Variants in NRXN3 observed in about 807,000 individuals in gnomAD.
NRXN3 encodes neurexin III.
In NRXN3, 32 loss-of-function variants were observed where a neutral mutation model predicts 137.6. That is an observed-to-expected ratio of 0.23 (90% CI 0.18 to 0.31). The LOEUF is 0.31. NRXN3 is among the 10% of genes least tolerant of loss of function. The pLI is 1.00. For missense variants in NRXN3, 1,574 were observed against 2,062.5 expected (o/e 0.76, Z 4.59); for synonymous variants, 798 against 784.5 (o/e 1.02, Z -0.29).
chr14:79,020,862 TACACACACACAC>T (rs3035451), intron 15 of NRXN3, among the ~76,000 whole-genome samples: 138 of 145,200 alleles, frequency 9.5e-4, no homozygotes, highest in Non-Finnish European at 1.4e-3. Flanking sequence ...GCTTGCATTT[TACACACACACAC>T]ACACACACAC....
intron 15 of NRXN3, among the ~76,000 whole-genome samples, chr14:79,362,950 G>T (rs769619322): frequency 1.1e-4 from 16 of 152,008 alleles, no homozygotes; most frequent in Non-Finnish European, 2.4e-4. Context: ...AGTATTTGCA[G>T]ATGCATGTGA....
intron 6 of NRXN3, among the ~76,000 whole-genome samples, chr14:78,678,674 TGTA>T (rs2098037864): frequency 6.6e-6 from 1 of 152,160 alleles, no homozygotes; most frequent in Non-Finnish European, 1.5e-5. Context: ...AATCAAATAA[TGTA>T]GTATAAACCA....
At chr14:78,676,727 G>C (rs574222998) in intron 6 of NRXN3, among the ~76,000 whole-genome samples, 34 of 152,260 alleles carry the variant, frequency 2.2e-4, no homozygotes, top group African/African-American at 8.2e-4. Flanking sequence ...GACTTTCATA[G>C]CTGGAGAGGG....
At chr14:78,275,286 A>G (rs566954784) in intron 2 of NRXN3, among the ~76,000 whole-genome samples, 1 of 152,346 alleles carries the variant, frequency 6.6e-6, no homozygotes, top group Admixed American at 6.5e-5. Flanking sequence ...TGTATCTCCA[A>G]TGTTTAAAGC....
chr14:78,770,406 C>T (rs951961703), intron 8 of NRXN3, among the ~76,000 whole-genome samples: 1 of 152,094 alleles, frequency 6.6e-6, no homozygotes, highest in Non-Finnish European at 1.5e-5. Flanking sequence ...TGGCCAGGTT[C>T]CTGTGCTCAG....
chr14:79,739,675 A>AAAAAAAAAAAAAAAC (rs2098954176), intron 19 of NRXN3, among the ~76,000 whole-genome samples: 2 of 149,974 alleles, frequency 1.3e-5, no homozygotes, highest in African/African-American at 2.5e-5. Flanking sequence ...AAAAAAAAAA[A>AAAAAAAAAAAAAAAC]AAGAACCCAG....
chr14:78,640,852 T>C (rs1295151727), intron 4 of NRXN3, among the ~76,000 whole-genome samples: 1 of 152,232 alleles, frequency 6.6e-6, no homozygotes, highest in Non-Finnish European at 1.5e-5. Flanking sequence ...TTTTTACACT[T>C]ATGCAGTTGA....
intron 1 of NRXN3, among the ~76,000 whole-genome samples, chr14:78,229,066 A>T (rs111875515): frequency 0.013 from 2,003 of 152,292 alleles, 22 homozygotes; most frequent in Non-Finnish European, 0.02. Flanking sequence ...TTGAGGGGAA[A>T]GTAGGAGATT....
chr14:78,565,597 G>T (rs2096828909), intron 4 of NRXN3, among the ~76,000 whole-genome samples: 1 of 152,184 alleles, frequency 6.6e-6, no homozygotes, highest in Non-Finnish European at 1.5e-5. Flanking sequence ...TTTGTAAAAT[G>T]GATTTAATAA....
intron 15 of NRXN3, among the ~76,000 whole-genome samples, chr14:79,086,120 T>C (rs186846628): frequency 2.6e-5 from 4 of 152,268 alleles, no homozygotes; most frequent in Admixed American, 6.5e-5. Flanking sequence ...TGGCTTGGTA[T>C]TGGGGGCAGA....
At chr14:79,304,736 C>T (rs926965547) in intron 15 of NRXN3, among the ~76,000 whole-genome samples, 1 of 152,064 alleles carries the variant, frequency 6.6e-6, no homozygotes, top group African/African-American at 2.4e-5. Context: ...GCAATTCAAG[C>T]AAGTCTAAGG....
intron 8 of NRXN3, among the ~76,000 whole-genome samples, chr14:78,781,832 TAGC>T (rs2098770889): frequency 6.6e-6 from 1 of 152,242 alleles, no homozygotes; most frequent in Non-Finnish European, 1.5e-5. Context: ...AGGCAATAGT[TAGC>T]AGGAAAAACC....
intron 15 of NRXN3, among the ~76,000 whole-genome samples, chr14:79,353,260 C>T (rs2153396675): frequency 6.6e-6 from 1 of 151,920 alleles, no homozygotes; most frequent in East Asian, 1.9e-4. Flanking sequence ...ATAGGCTGTT[C>T]TTAAAATAAT....
chr14:78,237,420 G>A, intron 1 of NRXN3, among the ~76,000 whole-genome samples: 1 of 152,162 alleles, frequency 6.6e-6, no homozygotes, highest in East Asian at 1.9e-4. Context: ...TCTATTTCTT[G>A]GCTCTGATTT....
intron 4 of NRXN3, among the ~76,000 whole-genome samples, chr14:78,604,264 G>A (rs916197247): frequency 3.3e-5 from 5 of 151,738 alleles, no homozygotes; most frequent in African/African-American, 1.2e-4. Context: ...ATTTGGGTGG[G>A]GACACAGCCA....
intron 4 of NRXN3, among the ~76,000 whole-genome samples, chr14:78,507,010 G>T (rs912748535): frequency 6.6e-6 from 1 of 151,904 alleles, no homozygotes; most frequent in Non-Finnish European, 1.5e-5. Flanking sequence ...TATATTTTGG[G>T]AATTATCCCT....
chr14:79,390,834 C>T (rs2094822002), intron 15 of NRXN3, among the ~76,000 whole-genome samples: 2 of 152,200 alleles, frequency 1.3e-5, no homozygotes, highest in South Asian at 4.2e-4. Context: ...GTGTATGGGG[C>T]CTGATAAGAG....
At chr14:79,216,346 CT>C (rs2068499868) in intron 15 of NRXN3, among the ~76,000 whole-genome samples, 1 of 152,128 alleles carries the variant, frequency 6.6e-6, no homozygotes, top group South Asian at 2.1e-4. Context: ...CTTTTCTGAC[CT>C]ATCCTCTGGA....
chr14:78,714,883 C>T lies in NRXN3; in HGVS notation c.1788C>T (p.Thr596=), dbSNP rs1004212. The change falls in exon 8 of 21, where the codon ACC becomes ACT. Residue 596 remains threonine (T), a synonymous_variant. Coordinates refer to ENST00000335750, the MANE Select transcript of NRXN3 (RefSeq NM_001330195.2). The part of the protein sequence containing the change: ...PENRAGLILP[T]ELWTAMLNYG... ...ACCGTGCTGGCCTTATTCTCCCCAC[C>T]GAGCTGTGGACTGCCATGCTCAACT... 0.15 allele frequency: 242,367 copies of T among 1,614,000 alleles called. 20,840 individuals carry two copies. Among genetic ancestry groups the T allele is most frequent in the African/African-American group, 0.3 (22,815 of 74,986 alleles).
Sources: allele counts gnomAD v4.1 joint callset (sites outside exome capture counted in the v4.1 genomes callset), GRCh38; gene constraint gnomAD v4.1.1; transcripts MANE v1.5; gene names NCBI Gene and HGNC (gene_info 2026-07-23, HGNC 2026-07-21).